The following COL5A2 variants were observed in gnomAD, a reference collection of about 807,000 sequenced individuals.
The protein encoded by COL5A2 is collagen alpha-2(V) chain.
COL5A2 carries 23 observed loss-of-function variants against 208.2 expected under a neutral mutation model. That is an observed-to-expected ratio of 0.11 (90% CI 0.08 to 0.16). The LOEUF is 0.16. Ranked by LOEUF, COL5A2 falls within the 10% of genes least tolerant of loss-of-function variation. The probability of loss-of-function intolerance (pLI) is 1.00; values close to 1 mark genes in which losing one functional copy is unlikely to be tolerated. For missense variants in COL5A2, 1,590 were observed against 1,956.4 expected (o/e 0.81, Z 3.53); for synonymous variants, 625 against 628.5 (o/e 0.99, Z 0.08).
At chr2:189,298,064 A>C in the COL5A2 span, among the ~76,000 whole-genome samples, 1 of 152,194 alleles carries the variant, frequency 6.6e-6, no homozygotes, top group Non-Finnish European at 1.5e-5. Flanking sequence ...TTTGACTGCT[A>C]GAGGTAGTGA....
chr2:189,174,427 C>T (rs573559206), intron 1 of COL5A2, among the ~76,000 whole-genome samples: 2 of 152,290 alleles, frequency 1.3e-5, no homozygotes, highest in East Asian at 1.9e-4. Context: ...GGTTTACCTA[C>T]AAACTTCAAC....
chr2:189,322,578 A>G, the COL5A2 span, among the ~76,000 whole-genome samples: 11 of 152,368 alleles, frequency 7.2e-5, no homozygotes, highest in Non-Finnish European at 1.5e-4. Context: ...AAAATCTAGA[A>G]GAAATGGATA....
intron 14 of COL5A2, 98 bp from the exon 15 acceptor site, chr2:189,079,205 G>T: frequency 2.1e-6 from 2 of 954,766 alleles, no homozygotes; most frequent in Non-Finnish European, 3.4e-6. Flanking sequence ...TTTCAAAGAG[G>T]ACATATGAAA....
chr2:189,263,451 T>C, the COL5A2 span, among the ~76,000 whole-genome samples: 1 of 152,098 alleles, frequency 6.6e-6, no homozygotes, highest in Non-Finnish European at 1.5e-5. Flanking sequence ...GAGCTGAAAA[T>C]TTCCTATTAC....
chr2:189,192,747 T>C (rs937171855), intron 1 of COL5A2, among the ~76,000 whole-genome samples: 2 of 152,196 alleles, frequency 1.3e-5, no homozygotes. Context: ...GGTTTGAATG[T>C]CTCCTCCAAA....
intron 51 of COL5A2, among the ~76,000 whole-genome samples, chr2:189,037,564 C>T (rs1685469532): frequency 6.6e-6 from 1 of 152,278 alleles, no homozygotes; most frequent in East Asian, 1.9e-4. Flanking sequence ...AATTCTTAGG[C>T]TCTTTGTAGC....
At chr2:189,241,478 C>T in the COL5A2 span, among the ~76,000 whole-genome samples, 1 of 152,168 alleles carries the variant, frequency 6.6e-6, no homozygotes, top group African/African-American at 2.4e-5. Flanking sequence ...CCACGATTAT[C>T]CTATTGTTCA....
intron 6 of COL5A2, among the ~76,000 whole-genome samples, chr2:189,096,430 G>A (rs1047891328): frequency 6.6e-6 from 1 of 151,798 alleles, no homozygotes; most frequent in Non-Finnish European, 1.5e-5. Flanking sequence ...TCACATCCTG[G>A]CTAACACGGT....
At chr2:189,395,276 T>C in the COL5A2 span, among the ~76,000 whole-genome samples, 1 of 152,214 alleles carries the variant, frequency 6.6e-6, no homozygotes, top group Admixed American at 6.5e-5. Context: ...GTTTACATTA[T>C]GAATTAAAAT....
chr2:189,193,876 C>A (rs1342381235), intron 1 of COL5A2, among the ~76,000 whole-genome samples: 1 of 152,116 alleles, frequency 6.6e-6, no homozygotes, highest in Non-Finnish European at 1.5e-5. Flanking sequence ...AGATTAAAAT[C>A]AGATGCAATC....
At chr2:189,334,757 AT>A in the COL5A2 span, among the ~76,000 whole-genome samples, 1 of 152,070 alleles carries the variant, frequency 6.6e-6, no homozygotes, top group Non-Finnish European at 1.5e-5. Context: ...ACGACAAAGT[AT>A]TAGAAAAGCC....
intron 1 of COL5A2, among the ~76,000 whole-genome samples, chr2:189,149,101 C>T (rs951889026): frequency 6.6e-6 from 1 of 152,200 alleles, no homozygotes; most frequent in Admixed American, 6.5e-5. Context: ...GATCGCACCA[C>T]TGCACTCCCA....
At chr2:189,206,114 G>T (rs560439555) in intron 1 of COL5A2, among the ~76,000 whole-genome samples, 2 of 152,298 alleles carry the variant, frequency 1.3e-5, no homozygotes, top group East Asian at 3.9e-4. Flanking sequence ...TAGTTTAAGT[G>T]AATTCAGGCT....
chr2:189,307,256 G>A, the COL5A2 span, among the ~76,000 whole-genome samples: 1 of 151,964 alleles, frequency 6.6e-6, no homozygotes, highest in Non-Finnish European at 1.5e-5. Flanking sequence ...AAGCAATTGT[G>A]TACTCTGGTT....
chr2:189,320,758 G>C, the COL5A2 span, among the ~76,000 whole-genome samples: 1 of 152,172 alleles, frequency 6.6e-6, no homozygotes, highest in Non-Finnish European at 1.5e-5. Context: ...TATTATCCAG[G>C]AGAACTTCCC....
At chr2:189,387,716 A>G in the COL5A2 span, among the ~76,000 whole-genome samples, 1 of 152,214 alleles carries the variant, frequency 6.6e-6, no homozygotes, top group Non-Finnish European at 1.5e-5. Flanking sequence ...AATGCAGTGC[A>G]GTTTACAATG....
rs72904403 is a variant in COL5A2 at position 189,061,283 on chromosome 2, T to C, written c.2031+279A>G. On this transcript the variant is annotated intron_variant, in intron 30 of 53. Transcript: ENST00000374866. ...TGGTTTCATAAACTTTGTTGAGCTA[T>C]CAGAAACATTTTATTCCTGATATCT... is the stretch of plus-strand genomic sequence containing the variant. Among the ~76,000 whole-genome samples, 12,961 of 152,246 alleles carry C rather than the reference T, an allele frequency of 0.085. 635 individuals are homozygous for C. Among genetic ancestry groups the C allele is most frequent in the South Asian group, 0.16 (757 of 4,822 alleles).
intron 1 of COL5A2, among the ~76,000 whole-genome samples, chr2:189,141,665 TTCTTGAAATTTAC>T (rs1197573294): frequency 1.3e-5 from 2 of 152,220 alleles, no homozygotes; most frequent in African/African-American, 4.8e-5. Flanking sequence ...TTCCCCCGAA[TTCTTGAAATTTAC>T]TAATGCTATT....
chr2:189,275,665 C>A, the COL5A2 span, among the ~76,000 whole-genome samples: 2 of 151,944 alleles, frequency 1.3e-5, no homozygotes, highest in African/African-American at 4.8e-5. Context: ...ATTGGCCAGG[C>A]TGGTCTTGAA....
Sources: allele counts gnomAD v4.1 joint callset (sites outside exome capture counted in the v4.1 genomes callset), GRCh38; gene constraint gnomAD v4.1.1; transcripts MANE v1.5; gene names NCBI Gene and HGNC (gene_info 2026-07-23, HGNC 2026-07-21).